The following STAT4 variants were observed in gnomAD, a reference collection of about 807,000 sequenced individuals.
STAT4 encodes signal transducer and activator of transcription 4.
In STAT4, 42 loss-of-function variants were observed where a neutral mutation model predicts 110.5. That is an observed-to-expected ratio of 0.38 (90% CI 0.30 to 0.49). STAT4 has a LOEUF of 0.49. STAT4 is among the 20% of genes least tolerant of loss of function. The pLI is 0.95. For missense variants in STAT4, 632 were observed against 887.9 expected, an observed-to-expected ratio of 0.71 and a Z score of 3.66; for synonymous variants, 284 against 302.2, an observed-to-expected ratio of 0.94 and a Z score of 0.63.
Position 191,144,382 on chromosome 2 carries a change from G to A in STAT4, c.273+2231C>T, listed in dbSNP as rs757347849. The stretch of plus-strand genomic sequence containing the variant: ...AGACTGGTGGAAGAGGGATGGAAGA[G>A]CATTCCTGGCCATAGGACCGTCATG... On this transcript the variant is annotated intron_variant, in intron 3 of 23. Coordinates refer to ENST00000392320, the MANE Select transcript of STAT4 (RefSeq NM_003151.4). This position sits in a 1 kb window ranked among gnomAD's most constrained non-coding sequence, Gnocchi z 4.7. Among the ~76,000 whole-genome samples the A allele has an allele frequency of 2.6e-5, 4 of 152,142 alleles. No individual in the cohort carries two copies. The highest frequency in any genetic ancestry group is 4.4e-5 in the Non-Finnish European group (3 of 68,018).
At chr2:191,036,070 TC>T in intron 17 of STAT4, 93 bp downstream of exon 17, 1 of 1,389,288 alleles carries the variant, frequency 7.2e-7, no homozygotes, top group East Asian at 2.4e-5. Context: ...ATGATTATCA[TC>T]TTTATTATTA....
intron 5 of STAT4, among the ~76,000 whole-genome samples, chr2:191,070,914 C>T (rs1041386977): frequency 2.6e-5 from 4 of 152,132 alleles, no homozygotes; most frequent in Admixed American, 1.3e-4. Flanking sequence ...ATAAGGATTA[C>T]ATTAGTTCGA....
At chr2:191,125,476 TTTATTA>T (rs6147087) in intron 3 of STAT4, among the ~76,000 whole-genome samples, 3 of 138,010 alleles carry the variant, frequency 2.2e-5, no homozygotes, top group Non-Finnish European at 3.1e-5. Flanking sequence ...ATCCTCATTA[TTTATTA>T]TTATTATTAT....
chr2:191,132,989 C>T (rs1348389753), intron 3 of STAT4, among the ~76,000 whole-genome samples: 1 of 151,340 alleles, frequency 6.6e-6, no homozygotes, highest in Non-Finnish European at 1.5e-5. Flanking sequence ...ATCCTGACCT[C>T]GTGATCTGCC....
At chr2:191,056,910 G>A (rs1298970047) in intron 13 of STAT4, among the ~76,000 whole-genome samples, 2 of 151,196 alleles carry the variant, frequency 1.3e-5, no homozygotes, top group Non-Finnish European at 2.9e-5. Flanking sequence ...AGCCTCCTGA[G>A]TAGCTGGGAT....
chr2:191,080,993 C>T (rs942263632), intron 3 of STAT4, among the ~76,000 whole-genome samples: 2 of 152,114 alleles, frequency 1.3e-5, no homozygotes, highest in Non-Finnish European at 2.9e-5. Context: ...CCTTCCCTAG[C>T]CCCCCATCCC....
chr2:191,082,248 T>C lies in STAT4; in HGVS notation c.274-5923A>G, dbSNP rs1697504558. Among the ~76,000 whole-genome samples the C allele has an allele frequency of 3.3e-5, 5 of 152,202 alleles. No individual in the cohort carries two copies. In the South Asian group the frequency reaches 1.0e-3, roughly 32 times the overall value. On this transcript the variant is annotated intron_variant, in intron 3 of 23. Transcript: ENST00000392320. This position sits in a 1 kb window ranked among gnomAD's most constrained non-coding sequence, Gnocchi z 4.7. ...CAAGAAAACTTGGAATTTAGGGTCA[T>C]CCATCTAGTGACAAATGGTTGCTTC... is the stretch of plus-strand genomic sequence containing the variant.
At chr2:191,119,545 G>C (rs974586696) in intron 3 of STAT4, among the ~76,000 whole-genome samples, 6 of 152,108 alleles carry the variant, frequency 3.9e-5, no homozygotes, top group African/African-American at 1.2e-4. Flanking sequence ...TAAATGAAAA[G>C]ATGTTTTGTG....
intron 4 of STAT4, among the ~76,000 whole-genome samples, chr2:191,074,128 T>G (rs1161777972): frequency 6.6e-6 from 1 of 152,210 alleles, no homozygotes; most frequent in Non-Finnish European, 1.5e-5. Context: ...TTAGCCTGGT[T>G]AAGCAAAAAG....
chr2:191,034,591 G>C lies in STAT4; in HGVS notation c.1577C>G (p.Ser526Cys), dbSNP rs1259577677. The C allele has an allele frequency of 1.9e-6, 3 of 1,612,656 alleles. No individual in the cohort carries two copies. Among genetic ancestry groups the C allele is most frequent in the South Asian group, 2.2e-5 (2 of 91,050 alleles). Residue 526 changes from serine (S) to cysteine (C), a missense_variant, in exon 18 of 24, where the codon TCT becomes TGT. By Grantham distance (112) the Ser-to-Cys change is moderately radical (BLOSUM62 -1). This residue lies in a region of STAT4 where 488 missense variants were observed against 632.8 expected (regional missense o/e 0.77). Coordinates refer to ENST00000392320, the MANE Select transcript of STAT4 (RefSeq NM_003151.4). Reference protein sequence around the residue: ...HMLAEKLTVQSSYSDGHLTWA... With the variant: ...HMLAEKLTVQCSYSDGHLTWA... ...GGTGAGGTGACCATCACTGTAGCTA[G>C]ATTGGACTGAAATGAAAGAAAAGAA...
intron 13 of STAT4, among the ~76,000 whole-genome samples, chr2:191,057,685 G>T (rs764185257): frequency 6.8e-6 from 1 of 146,126 alleles, no homozygotes; most frequent in Middle Eastern, 3.7e-3. Context: ...TGCAACCTCC[G>T]TCTGCCGGGT....
rs746261517 is a variant in STAT4, at chr2:191,033,873, A to T, written c.1715+38T>A. The T allele has an allele frequency of 2.1e-5, 31 of 1,502,472 alleles. No individual in the cohort carries two copies. The highest frequency in any genetic ancestry group is 2.5e-5 in the Non-Finnish European group (28 of 1,103,304). The allele number at this position is 1,502,472 out of a possible 1,614,324, so 93.1% of individuals were successfully genotyped here. On this transcript the variant is annotated intron_variant, in intron 19 of 23. Coordinates refer to ENST00000392320, the MANE Select transcript of STAT4 (RefSeq NM_003151.4). The surrounding 1 kb of genome is among the most constrained non-coding windows in gnomAD (Gnocchi z 6.9). Reference sequence around the variant, plus strand: ...ACCAATAACAACAGAAAAAAAGAACATAATTAACTCATATGAAAAATATAG... The same window carrying T: ...ACCAATAACAACAGAAAAAAAGAACTTAATTAACTCATATGAAAAATATAG...
intron 6 of STAT4, among the ~76,000 whole-genome samples, chr2:191,067,058 TC>T (rs1339824855): frequency 6.0e-5 from 9 of 151,062 alleles, no homozygotes; most frequent in Non-Finnish European, 8.8e-5. Context: ...CACTTTTTTT[TC>T]TTTTTTTTTT....
intron 6 of STAT4, among the ~76,000 whole-genome samples, chr2:191,067,089 C>A (rs562075087): frequency 2.0e-5 from 3 of 149,778 alleles, no homozygotes; most frequent in Admixed American, 6.7e-5. Flanking sequence ...GCGCTCGCCT[C>A]ATCGTAAAAC....
rs73982615 is a variant in STAT4, at chr2:191,116,200, C to A, written c.273+30413G>T. Among the ~76,000 whole-genome samples, 1,495 of 152,258 alleles carry A rather than the reference C, an allele frequency of 9.8e-3. 33 individuals carry two copies. The highest frequency in any genetic ancestry group is 0.034 in the African/African-American group (1,421 of 41,550). Reference sequence around the variant, plus strand: ...ATGTGAAGCTAAGATCACATATGTACCCTTTGTTCACTGATGCTGACAAGA... The same window carrying A: ...ATGTGAAGCTAAGATCACATATGTAACCTTTGTTCACTGATGCTGACAAGA... On this transcript the variant is annotated intron_variant, in intron 3 of 23. Transcript: ENST00000392320. This position sits in a 1 kb window ranked among gnomAD's most constrained non-coding sequence, Gnocchi z 4.1.
At chr2:191,118,027 C>G (rs1698617590) in intron 3 of STAT4, among the ~76,000 whole-genome samples, 1 of 152,168 alleles carries the variant, frequency 6.6e-6, no homozygotes, top group Non-Finnish European at 1.5e-5. Context: ...ATAAATCAGA[C>G]CTGGCGTTTT....
At chr2:191,102,174 A>G (rs1014280258) in intron 3 of STAT4, among the ~76,000 whole-genome samples, 29 of 152,178 alleles carry the variant, frequency 1.9e-4, no homozygotes, top group African/African-American at 7.0e-4. Flanking sequence ...CAGGATATAA[A>G]TAACTCCCAC....
chr2:191,045,546 G>A (rs1277345481), intron 14 of STAT4, among the ~76,000 whole-genome samples: 1 of 152,186 alleles, frequency 6.6e-6, no homozygotes. Flanking sequence ...GTGGGGGGTT[G>A]GAGGTGGCAG....
At chr2:191,133,570 A>ATT (rs1699100803) in intron 3 of STAT4, among the ~76,000 whole-genome samples, 1 of 151,614 alleles carries the variant, frequency 6.6e-6, no homozygotes, top group Non-Finnish European at 1.5e-5. Flanking sequence ...AAATATTAAT[A>ATT]TGTTTATTTC....
Sources: allele counts gnomAD v4.1 joint callset (sites outside exome capture counted in the v4.1 genomes callset), GRCh38; gene constraint gnomAD v4.1.1; regional missense constraint gnomAD v4.1.1; non-coding constraint Gnocchi (gnomAD v3.1); transcripts MANE v1.5; gene names NCBI Gene and HGNC (gene_info 2026-07-23, HGNC 2026-07-21).